The following AGBL3 variants were observed in gnomAD, a reference collection of about 807,000 sequenced individuals.
AGBL3 encodes cytosolic carboxypeptidase 3.
In AGBL3, 68 loss-of-function variants were observed where a neutral mutation model predicts 94.5. The ratio of observed to expected loss-of-function variants is 0.72; its 90% CI spans 0.59 to 0.88. The LOEUF (loss-of-function observed/expected upper bound fraction) is 0.88, where lower values mean the gene tolerates loss of function less well. Among genes scored for constraint, AGBL3 ranks in the 40% least tolerant of loss-of-function variants. The pLI is 0.00. For synonymous variants in AGBL3, 354 were observed against 370.7 expected (o/e 0.95, Z 0.52); for missense variants, 934 against 1,103.8 (o/e 0.85, Z 2.18).
chr7:135,026,244 A>ATTATTTTATTTTATTTTTTTTATT (rs147501962), intron 5 of AGBL3, among the ~76,000 whole-genome samples: 2 of 81,476 alleles, frequency 2.5e-5, no homozygotes, highest in East Asian at 3.5e-4. Flanking sequence ...AATGAATACC[A>ATTATTTTATTTTATTTTTTTTATT]TTATTTTATT....
At chr7:135,134,807 G>C (rs1196933498) in intron 16 of AGBL3, 34 bp from the exon 17 acceptor site, 12 of 1,534,530 alleles carry the variant, frequency 7.8e-6, no homozygotes, top group Non-Finnish European at 1.1e-5. Context: ...GGTCCATGAT[G>C]GACAAAAATT....
chr7:135,050,893 G>A, intron 11 of AGBL3: 1 of 299,584 alleles, frequency 3.3e-6, no homozygotes, highest in South Asian at 2.9e-5. Flanking sequence ...ATTGAGTTTA[G>A]TCCATTTATA....
In AGBL3 at chr7:135,034,143, T is replaced by A. The variant is rs934640750; in HGVS notation, c.558-6T>A. On this transcript the variant is annotated splice_region_variant and splice_polypyrimidine_tract_variant and intron_variant, in intron 6 of 16. Coordinates refer to ENST00000436302, the MANE Select transcript of AGBL3 (RefSeq NM_178563.4). The stretch of plus-strand genomic sequence containing the variant: ...TGCTTTTTTCCCTTTCTTTCTTGTG[T>A]ATTAGGGCAGAATACGAATACCAAT... 3.3e-6 allele frequency: 5 copies of A among 1,515,618 alleles called. No individual in the cohort carries two copies. Among genetic ancestry groups the A allele is most frequent in the Non-Finnish European group, 4.4e-6 (5 of 1,127,426 alleles). The allele number at this position is 1,515,618 out of a possible 1,614,324, so 93.9% of individuals were successfully genotyped here. A position where few individuals can be genotyped will look rare whatever the true frequency, so the allele number is the denominator to read the frequency against.
chr7:134,986,573 T>C lies in AGBL3; in HGVS notation c.-188T>C, dbSNP rs964231274. 7 of 146,836 alleles carry C rather than the reference T, an allele frequency of 4.8e-5. No homozygotes were observed. Among genetic ancestry groups the C allele is most frequent in the African/African-American group, 1.8e-4 (7 of 39,040 alleles). The allele number at this position is 146,836 out of a possible 1,614,324, so 9.1% of individuals were successfully genotyped here. A position where few individuals can be genotyped will look rare whatever the true frequency, so the allele number is the denominator to read the frequency against. On this transcript the variant is annotated 5_prime_UTR_variant, in exon 1 of 17. The change abolishes the stop of an existing upstream ORF in the 5' untranslated region. Transcript: ENST00000436302. ...GGATCTCCAGCAGTGGCGTTACTTCTAGCGGCTGGATACCGGGTTCTCCGC... is the reference window on the plus strand; with the variant it reads ...GGATCTCCAGCAGTGGCGTTACTTCCAGCGGCTGGATACCGGGTTCTCCGC...
chr7:135,107,947 C>T (rs1824998646), intron 15 of AGBL3, among the ~76,000 whole-genome samples: 1 of 151,924 alleles, frequency 6.6e-6, no homozygotes, highest in Non-Finnish European at 1.5e-5. Context: ...TTGAATTGAG[C>T]CCTGATTACC....
chr7:135,125,954 G>A (rs1827813759), intron 16 of AGBL3, among the ~76,000 whole-genome samples: 1 of 152,060 alleles, frequency 6.6e-6, no homozygotes, highest in Non-Finnish European at 1.5e-5. Flanking sequence ...ATAGGCAAAA[G>A]CTGGACACAT....
At chr7:135,118,046 A>G (rs1246337571) in intron 16 of AGBL3, among the ~76,000 whole-genome samples, 2 of 152,192 alleles carry the variant, frequency 1.3e-5, no homozygotes, top group African/African-American at 4.8e-5. Context: ...AAACCCTTGG[A>G]TGTTTTCCAT....
chr7:135,026,119 A>G (rs1168055987), intron 5 of AGBL3, among the ~76,000 whole-genome samples: 1 of 151,492 alleles, frequency 6.6e-6, no homozygotes, highest in African/African-American at 2.4e-5. Flanking sequence ...TCATTTGCAC[A>G]TGAAACATAT....
chr7:135,047,161 T>G (rs532292179), intron 11 of AGBL3, among the ~76,000 whole-genome samples: 3 of 152,090 alleles, frequency 2.0e-5, no homozygotes, highest in Non-Finnish European at 4.4e-5. Flanking sequence ...GTATTTGTCT[T>G]TCTGTGATTG....
At chr7:134,994,687 A>G (rs1810756765) in intron 4 of AGBL3, among the ~76,000 whole-genome samples, 1 of 152,226 alleles carries the variant, frequency 6.6e-6, no homozygotes, top group African/African-American at 2.4e-5. Flanking sequence ...AATTTTCTTC[A>G]TATATCATCT....
intron 16 of AGBL3, among the ~76,000 whole-genome samples, chr7:135,119,746 G>A (rs190949389): frequency 7.4e-4 from 113 of 152,144 alleles, no homozygotes; most frequent in South Asian, 3.3e-3. Context: ...GCGTGGCAGC[G>A]GGTGCCTGTA....
chr7:134,986,754 A>G (rs1476210516), intron 1 of AGBL3, 53 bp downstream of exon 1: 2 of 152,352 alleles, frequency 1.3e-5, no homozygotes, highest in Non-Finnish European at 2.9e-5. Flanking sequence ...GCGCCCCGGA[A>G]AATGAGCGCC....
rs573819386 is a variant in AGBL3, at chr7:135,083,514, A to G, written c.2110+1724A>G. Reference sequence around the variant, plus strand: ...TATTAATCAATCTATCTTTTTTCCCATTATCCATTCTCTAAGAAAAAGAAC... The same window carrying G: ...TATTAATCAATCTATCTTTTTTCCCGTTATCCATTCTCTAAGAAAAAGAAC... On this transcript the variant is annotated intron_variant, in intron 15 of 16. Coordinates refer to ENST00000436302, the MANE Select transcript of AGBL3 (RefSeq NM_178563.4). Among the ~76,000 whole-genome samples, 6 of 152,178 alleles carry G rather than the reference A, an allele frequency of 3.9e-5. No homozygotes were observed. In the South Asian group the frequency reaches 8.3e-4, roughly 21 times the overall value.
At chr7:135,127,175 A>G (rs1827996087) in intron 16 of AGBL3, among the ~76,000 whole-genome samples, 1 of 152,264 alleles carries the variant, frequency 6.6e-6, no homozygotes, top group Admixed American at 6.5e-5. Flanking sequence ...TTTACAAGAA[A>G]AAAACAGACA....
rs1817122221 is a variant in AGBL3, at chr7:135,044,051, T to C, written c.1527T>C (p.Asn509=). 1.3e-6 allele frequency: 2 copies of C among 1,549,492 alleles called. No individual in the cohort carries two copies. The highest frequency in any genetic ancestry group is 1.4e-5 in the African/African-American group (1 of 73,074). ...DKFSFSACKF[N]VQKSKEGTGR... ...TTTCATTCTCAGCTTGCAAGTTTAA[T>C]GTCCAGAAGAGCAAAGAAGGAACAG... is the stretch of plus-strand genomic sequence containing the variant. Residue 509 remains asparagine (N), a synonymous_variant, in exon 9 of 17, where the codon AAT becomes AAC. Coordinates refer to ENST00000436302, the MANE Select transcript of AGBL3 (RefSeq NM_178563.4).
intron 15 of AGBL3, among the ~76,000 whole-genome samples, chr7:135,096,655 T>A (rs55776614): frequency 0.55 from 69,353 of 126,714 alleles, 17,529 homozygotes; most frequent in South Asian, 0.7. Context: ...GTGGAAGAAC[T>A]TATACAACTA....
intron 5 of AGBL3, among the ~76,000 whole-genome samples, chr7:135,025,265 G>A (rs1398854621): frequency 1.3e-5 from 2 of 151,558 alleles, no homozygotes; most frequent in Admixed American, 6.6e-5. Context: ...CCAGCTAGCC[G>A]TGAACCTTTC....
chr7:134,991,878 T>A (rs1234715922), intron 3 of AGBL3, among the ~76,000 whole-genome samples: 1 of 152,068 alleles, frequency 6.6e-6, no homozygotes, highest in East Asian at 1.9e-4. Context: ...ACCACACTTC[T>A]CTGTGCATGA....
At chr7:135,093,997 A>T (rs1822260529) in intron 15 of AGBL3, 1 of 171,276 alleles carries the variant, frequency 5.8e-6, no homozygotes, top group Admixed American at 5.8e-5. Context: ...GGATGGGGAA[A>T]AAAAATAGTC....
Sources: allele counts gnomAD v4.1 joint callset (sites outside exome capture counted in the v4.1 genomes callset), GRCh38; gene constraint gnomAD v4.1.1; transcripts MANE v1.5; gene names NCBI Gene and HGNC (gene_info 2026-07-23, HGNC 2026-07-21).